The following APPL1 variants were observed in gnomAD, a reference collection of about 807,000 sequenced individuals.
The protein encoded by APPL1 is DCC-interacting protein 13-alpha.
APPL1 carries 42 observed loss-of-function variants against 106.8 expected under a neutral mutation model. The observed-to-expected ratio is 0.39, with a 90% CI of 0.31 to 0.51. The LOEUF (loss-of-function observed/expected upper bound fraction) is 0.51. Ranked by LOEUF, APPL1 falls within the 20% of genes least tolerant of loss-of-function variation. The probability of loss-of-function intolerance (pLI) is 0.75; values close to 1 mark genes in which losing one functional copy is unlikely to be tolerated. For synonymous variants in APPL1, 263 were observed against 281.8 expected (o/e 0.93, Z 0.67); for missense variants, 769 against 858.2 (o/e 0.90, Z 1.30).
At chr3:57,239,594 C>T (rs906409761) in intron 4 of APPL1, among the ~76,000 whole-genome samples, 1 of 152,084 alleles carries the variant, frequency 6.6e-6, no homozygotes, top group Non-Finnish European at 1.5e-5. Context: ...TACCTTTTAA[C>T]TAGTTCAAAT....
At chr3:57,257,108 G>C in intron 14 of APPL1, 57 bp downstream of exon 14, 1 of 1,580,914 alleles carries the variant, frequency 6.3e-7, no homozygotes, top group Non-Finnish European at 8.7e-7. Flanking sequence ...AAGTATCTGT[G>C]ATCTGGGATT....
chr3:57,256,813 A>G, intron 13 of APPL1, 144 bp from the exon 14 acceptor site: 1 of 619,108 alleles, frequency 1.6e-6, no homozygotes, highest in Non-Finnish European at 2.9e-6. Flanking sequence ...TAATATTAAG[A>G]CGAGGGAATA....
chr3:57,236,304 A>G (rs1400428341), intron 2 of APPL1, among the ~76,000 whole-genome samples: 1 of 149,346 alleles, frequency 6.7e-6, no homozygotes, highest in East Asian at 2.0e-4. Context: ...TTGGCCTCCC[A>G]AAGTGCTGAG....
At chr3:57,259,207 CTACT>C (rs1386919597) in intron 16 of APPL1, 127 bp downstream of exon 16, 5 of 720,158 alleles carry the variant, frequency 6.9e-6, no homozygotes, top group Admixed American at 3.0e-5. Flanking sequence ...AGAATTTCCT[CTACT>C]TACTTATAGT....
intron 11 of APPL1, among the ~76,000 whole-genome samples, chr3:57,251,091 G>A (rs937258411): frequency 2.7e-5 from 4 of 150,910 alleles, no homozygotes; most frequent in Non-Finnish European, 3.0e-5. Context: ...ACAGGCGTGA[G>A]CCACCGCGCC....
intron 1 of APPL1, chr3:57,230,714 A>C (rs2060681757): frequency 2.3e-6 from 1 of 444,176 alleles, no homozygotes; most frequent in Admixed American, 2.8e-5. Context: ...TTTTATCTAG[A>C]ATAGAGTCCA....
At chr3:57,249,028 G>A (rs764410022) in intron 10 of APPL1, among the ~76,000 whole-genome samples, 1 of 152,146 alleles carries the variant, frequency 6.6e-6, no homozygotes, top group African/African-American at 2.4e-5. Context: ...ATAGGATGAA[G>A]CAGGTTAACC....
intron 1 of APPL1, among the ~76,000 whole-genome samples, chr3:57,232,661 A>C (rs1000772732): frequency 3.3e-5 from 5 of 152,188 alleles, no homozygotes; most frequent in African/African-American, 1.2e-4. Context: ...TGGCACAGAG[A>C]ATGATAATGT....
chr3:57,261,195 G>A (rs2060863416), intron 19 of APPL1, among the ~76,000 whole-genome samples: 1 of 152,074 alleles, frequency 6.6e-6, no homozygotes, highest in Non-Finnish European at 1.5e-5. Context: ...CCACATACAA[G>A]TGAGAACATG....
At chr3:57,237,749 C>A (rs933946687) in intron 3 of APPL1, among the ~76,000 whole-genome samples, 198 bp downstream of exon 3, 1 of 151,998 alleles carries the variant, frequency 6.6e-6, no homozygotes, top group African/African-American at 2.4e-5. Flanking sequence ...TTTCTTTTTA[C>A]AAATGAAGAA....
rs531153871 is a variant in APPL1 at position 57,234,907 on chromosome 3, G to A, written c.55-659G>A. 1.6e-3 allele frequency among the ~76,000 whole-genome samples: 243 copies of A among 152,142 alleles called. 1 individual carries two copies. Among genetic ancestry groups the A allele is most frequent in the Non-Finnish European group, 2.8e-3 (187 of 67,998 alleles). ...CCTGACCTCATGATCTGCCTGCCTC[G>A]GCCTCCCAAAGTGCTGAGATTACAG... On this transcript the variant is annotated intron_variant, in intron 1 of 21. Coordinates refer to ENST00000288266, the MANE Select transcript of APPL1 (RefSeq NM_012096.3).
chr3:57,229,682 G>A (rs1379609804), intron 1 of APPL1, among the ~76,000 whole-genome samples: 4 of 147,354 alleles, frequency 2.7e-5, no homozygotes, highest in African/African-American at 1.0e-4. Flanking sequence ...GAATACAGGC[G>A]TGTGCCACTG....
chr3:57,268,655 A>G (rs2060912095), intron 21 of APPL1, 168 bp downstream of exon 21: 1 of 625,590 alleles, frequency 1.6e-6, no homozygotes, highest in African/African-American at 1.8e-5. Flanking sequence ...CTGTTTTTTG[A>G]TATGATGTTT....
chr3:57,227,801 C>G lies in APPL1; in HGVS notation c.-83C>G, dbSNP rs1319477611. On this transcript the variant is annotated 5_prime_UTR_variant, in exon 1 of 22. Coordinates refer to ENST00000288266, the MANE Select transcript of APPL1 (RefSeq NM_012096.3). ...GCAGCCCTTGCCGGAGAGGGCGGGCCGGGGTCAGCTGCGGCGGGCGGGCCG... is the reference window on the plus strand; with the variant it reads ...GCAGCCCTTGCCGGAGAGGGCGGGCGGGGGTCAGCTGCGGCGGGCGGGCCG... The G allele has an allele frequency of 5.6e-6, 7 of 1,240,910 alleles. No individual in the cohort carries two copies. Among genetic ancestry groups the G allele is most frequent in the East Asian group, 3.2e-5 (1 of 31,020 alleles). 76.9% of individuals were successfully genotyped at this position (1,240,910 alleles called of 1,614,324 possible).
Position 57,227,957 on chromosome 3 carries a change from G to T in APPL1, c.54+20G>T. 1.4e-6 allele frequency: 2 copies of T among 1,423,508 alleles called. No individual in the cohort carries two copies. The highest frequency in any genetic ancestry group is 9.3e-7 in the Non-Finnish European group (1 of 1,078,896). The allele number at this position is 1,423,508 out of a possible 1,614,324, so 88.2% of individuals were successfully genotyped here. On this transcript the variant is annotated intron_variant, in intron 1 of 21. Coordinates refer to ENST00000288266, the MANE Select transcript of APPL1 (RefSeq NM_012096.3). ...CCGCAGGTGAGGCGCGGGAGCTGGT[G>T]GGCGACGAGGGAGAGCCCAGCTGGC...
In APPL1 at chr3:57,268,433, G is replaced by T; in HGVS notation, c.1929G>T (p.Glu643Asp). The change falls in exon 21 of 22, where the codon GAG becomes GAT. Residue 643 changes from glutamate to aspartate, a missense_variant. Transcript: ENST00000288266. ...RRASEKQKEI[E>D]RVKEKQQKEL... ...CATCAGAAAAACAAAAAGAAATAGA[G>T]AGAGTAAAAGAGAAGCAACAGAAAG... 1 of 1,599,244 alleles carries T rather than the reference G, an allele frequency of 6.3e-7. No individual in the cohort carries two copies. Among genetic ancestry groups the T allele is most frequent in the South Asian group, 1.1e-5 (1 of 90,004 alleles).
At position 57,253,579 on chromosome 3, in the gene APPL1, A is replaced by G. The variant is rs2060816905; in HGVS notation, c.1096-103A>G. 8 of 816,194 alleles carry G rather than the reference A, an allele frequency of 9.8e-6. No individual in the cohort carries two copies. The South Asian group carries it at 1.1e-4, about 11-fold the overall frequency. The allele number at this position is 816,194 out of a possible 1,614,324, so 50.6% of individuals were successfully genotyped here. ...TTCTTATAAGGAAGATAAATATATT[A>G]CTTCTAATGAAACATCTGTTGCAGT... On this transcript the variant is annotated intron_variant, in intron 12 of 21. Coordinates refer to ENST00000288266, the MANE Select transcript of APPL1 (RefSeq NM_012096.3).
In APPL1 at chr3:57,235,579, T is replaced by C; in HGVS notation, c.68T>C (p.Leu23Pro). The change falls in exon 2 of 22, where the codon CTA becomes CCA. Residue 23 changes from leucine to proline, a missense_variant. Transcript: ENST00000288266. ...TGTTTTATACAGACAAGGTCTTTACTAGGTGTATTTGAAGAAGATGCCACA... is the reference window on the plus strand; with the variant it reads ...TGTTTTATACAGACAAGGTCTTTACCAGGTGTATTTGAAGAAGATGCCACA... ...LEDSPQTRSL[L>P]GVFEEDATAI... The C allele has an allele frequency of 6.2e-7, 1 of 1,607,642 alleles. No homozygotes were observed. The highest frequency in any genetic ancestry group is 8.5e-7 in the Non-Finnish European group (1 of 1,174,478).
intron 7 of APPL1, among the ~76,000 whole-genome samples, chr3:57,245,180 A>T (rs1579387942): frequency 6.6e-6 from 1 of 152,200 alleles, no homozygotes; most frequent in African/African-American, 2.4e-5. Flanking sequence ...TCATTGGTGT[A>T]TTGGAATATT....
Sources: allele counts gnomAD v4.1 joint callset (sites outside exome capture counted in the v4.1 genomes callset), GRCh38; gene constraint gnomAD v4.1.1; transcripts MANE v1.5; gene names NCBI Gene and HGNC (gene_info 2026-07-23, HGNC 2026-07-21).